PRKG1: variants seen among roughly 807,000 people sequenced by gnomAD.
The protein encoded by PRKG1 is cGMP-dependent protein kinase 1.
A neutral mutation model predicts 88.1 loss-of-function variants in PRKG1; 35 were observed. The observed-to-expected ratio is 0.40, with a 90% confidence interval of 0.30 to 0.53. The LOEUF is 0.53. Ranked by LOEUF, PRKG1 falls within the 20% of genes least tolerant of loss-of-function variation. PRKG1 has a pLI of 0.59. For synonymous variants in PRKG1, 303 were observed against 292.5 expected (o/e 1.04, Z -0.37); for missense variants, 540 against 839.8 (o/e 0.64, Z 4.41).
chr10:51,543,187 T>C (rs1169578043), intron 3 of PRKG1, among the ~76,000 whole-genome samples: 1 of 152,206 alleles, frequency 6.6e-6, no homozygotes, highest in Non-Finnish European at 1.5e-5. Context: ...ACTGAGGATA[T>C]AATGTGCTTG....
At chr10:51,563,568 AAAG>A (rs1837525736) in intron 3 of PRKG1, among the ~76,000 whole-genome samples, 1 of 152,116 alleles carries the variant, frequency 6.6e-6, no homozygotes, top group South Asian at 2.1e-4. Context: ...AATATTAAGT[AAAG>A]GTTTGATACA....
At chr10:52,245,792 T>G (rs1309540334) in intron 9 of PRKG1, among the ~76,000 whole-genome samples, 1 of 145,106 alleles carries the variant, frequency 6.9e-6, no homozygotes, top group Non-Finnish European at 1.5e-5. Context: ...TTTATTTATT[T>G]ATTTATTTAT....
chr10:52,261,105 A>G (rs928981003), intron 10 of PRKG1, among the ~76,000 whole-genome samples: 1 of 151,940 alleles, frequency 6.6e-6, no homozygotes, highest in African/African-American at 2.4e-5. Flanking sequence ...ACTTTCCTCC[A>G]AACTGAAAGT....
intron 1 of PRKG1, among the ~76,000 whole-genome samples, chr10:51,007,373 GAGTTA>G (rs1258078846): frequency 6.6e-6 from 1 of 152,110 alleles, no homozygotes; most frequent in Non-Finnish European, 1.5e-5. Context: ...TTTACCATCC[GAGTTA>G]AGTTTTCTAC....
chr10:51,189,006 G>A (rs901303006), intron 2 of PRKG1, among the ~76,000 whole-genome samples: 1 of 151,874 alleles, frequency 6.6e-6, no homozygotes, highest in Non-Finnish European at 1.5e-5. Flanking sequence ...TCACTGGAAA[G>A]TATTACTCTG....
intron 3 of PRKG1, among the ~76,000 whole-genome samples, chr10:51,729,136 TCA>T (rs1250526078): frequency 6.6e-6 from 1 of 152,174 alleles, no homozygotes; most frequent in Non-Finnish European, 1.5e-5. Context: ...ACCTTAAGAT[TCA>T]GATGGTATAG....
At chr10:51,513,963 A>G (rs558198199) in intron 3 of PRKG1, among the ~76,000 whole-genome samples, 2 of 142,202 alleles carry the variant, frequency 1.4e-5, no homozygotes, top group East Asian at 4.2e-4. Flanking sequence ...AAACACATTC[A>G]AAAGCTAGCA....
intron 3 of PRKG1, among the ~76,000 whole-genome samples, chr10:51,508,162 T>C (rs1358333674): frequency 6.6e-6 from 1 of 152,152 alleles, no homozygotes; most frequent in Non-Finnish European, 1.5e-5. Context: ...AATGAGACGG[T>C]ACATGTAAAG....
intron 3 of PRKG1, among the ~76,000 whole-genome samples, chr10:51,489,178 C>G (rs529257745): frequency 6.6e-6 from 1 of 152,076 alleles, no homozygotes; most frequent in Non-Finnish European, 1.5e-5. Flanking sequence ...GTAAATAACA[C>G]AGCAATTACA....
intron 2 of PRKG1, among the ~76,000 whole-genome samples, chr10:51,456,792 A>G (rs1040365810): frequency 6.6e-6 from 1 of 152,190 alleles, no homozygotes; most frequent in African/African-American, 2.4e-5. Context: ...TGAATAAACA[A>G]TTCTCAAAAG....
chr10:51,836,552 A>C (rs1840135069), intron 4 of PRKG1, among the ~76,000 whole-genome samples: 1 of 152,070 alleles, frequency 6.6e-6, no homozygotes, highest in Non-Finnish European at 1.5e-5. Context: ...TTAAGGTTTT[A>C]CGTTTAAGTC....
At chr10:51,411,558 GC>G (rs1838090251) in intron 2 of PRKG1, among the ~76,000 whole-genome samples, 1 of 152,192 alleles carries the variant, frequency 6.6e-6, no homozygotes, top group Non-Finnish European at 1.5e-5. Flanking sequence ...GTAACATGAA[GC>G]AGAGAGAAAG....
intron 5 of PRKG1, among the ~76,000 whole-genome samples, chr10:51,926,870 C>T (rs984455957): frequency 6.6e-6 from 1 of 151,092 alleles, no homozygotes; most frequent in South Asian, 2.1e-4. Context: ...AGTGTTAAGA[C>T]GATATGTAGT....
intron 3 of PRKG1, among the ~76,000 whole-genome samples, chr10:51,527,893 T>C (rs1841921725): frequency 6.6e-6 from 1 of 152,190 alleles, no homozygotes; most frequent in Non-Finnish European, 1.5e-5. Context: ...CTAAAATTCA[T>C]CTGTAAAGTG....
chr10:52,082,099 CAAG>C (rs1846791560), intron 7 of PRKG1, among the ~76,000 whole-genome samples: 2 of 151,994 alleles, frequency 1.3e-5, no homozygotes, highest in Admixed American at 6.6e-5. Flanking sequence ...ATGAAGGCGG[CAAG>C]AAGAAGTACT....
At chr10:51,518,139 A>G (rs1589039221) in intron 3 of PRKG1, among the ~76,000 whole-genome samples, 1 of 152,194 alleles carries the variant, frequency 6.6e-6, no homozygotes, top group Non-Finnish European at 1.5e-5. Flanking sequence ...CTGGGATTAC[A>G]GGTGTGCACC....
intron 4 of PRKG1, among the ~76,000 whole-genome samples, chr10:51,817,180 A>G (rs1453347998): frequency 6.6e-6 from 1 of 152,040 alleles, no homozygotes; most frequent in Non-Finnish European, 1.5e-5. Context: ...AAGGAATGGC[A>G]GATTTTGTAC....
intron 4 of PRKG1, among the ~76,000 whole-genome samples, chr10:51,827,167 A>G (rs2132743063): frequency 6.6e-6 from 1 of 152,302 alleles, no homozygotes; most frequent in Middle Eastern, 3.4e-3. Context: ...CAGTATTCGG[A>G]TGATTGCCCT....
At chr10:51,227,037 A>G (rs1470574591) in intron 2 of PRKG1, among the ~76,000 whole-genome samples, 1 of 134,146 alleles carries the variant, frequency 7.5e-6, no homozygotes, top group Non-Finnish European at 1.6e-5. Context: ...AGTAGATAAT[A>G]TGTCTCCATT....
Sources: gnomAD v4.1 joint callset for allele counts (sites outside exome capture counted in the v4.1 genomes callset) on GRCh38, gnomAD v4.1.1 for gene constraint, MANE v1.5 for transcripts, NCBI Gene and HGNC (gene_info 2026-07-23, HGNC 2026-07-21) for gene names.